AKR1B15: variants seen among roughly 807,000 people sequenced by gnomAD.
AKR1B15 encodes the protein aldo-keto reductase family 1 member B15, also known as estradiol 17-beta-dehydrogenase AKR1B15.
Under a neutral mutation model 38.5 loss-of-function variants are expected in AKR1B15, and 49 were observed. The ratio of observed to expected loss-of-function variants is 1.27; its 90% confidence interval spans 1.01 to 1.62. AKR1B15 has a LOEUF of 1.62. Among genes scored for constraint, AKR1B15 ranks in the 40% most tolerant of loss-of-function variants. The pLI, the probability that AKR1B15 is intolerant of heterozygous loss-of-function variation, is 0.00. For missense variants in AKR1B15, 411 were observed against 381.6 expected (o/e 1.08, Z -0.64); for synonymous variants, 137 against 135.5 (o/e 1.01, Z -0.08).
chr7:134,557,486 T>A (rs977051570), intron 2 of AKR1B15, among the ~76,000 whole-genome samples: 1 of 152,048 alleles, frequency 6.6e-6, no homozygotes, highest in African/African-American at 2.4e-5. Context: ...CTTAAGGACA[T>A]AACTGGTGCA....
intron 2 of AKR1B15, among the ~76,000 whole-genome samples, chr7:134,560,807 G>A (rs191529003): frequency 2.0e-5 from 3 of 152,252 alleles, no homozygotes; most frequent in African/African-American, 7.2e-5. Flanking sequence ...TTGAGCAAAG[G>A]CCATTCCAAC....
intron 3 of AKR1B15, among the ~76,000 whole-genome samples, chr7:134,566,735 C>G (rs900814642): frequency 6.6e-6 from 1 of 152,134 alleles, no homozygotes; most frequent in African/African-American, 2.4e-5. Context: ...TTTTCCCTCT[C>G]CTGTGCCGAG....
At chr7:134,557,598 C>G (rs1357799704) in intron 2 of AKR1B15, among the ~76,000 whole-genome samples, 1 of 151,446 alleles carries the variant, frequency 6.6e-6, no homozygotes, top group South Asian at 2.1e-4. Flanking sequence ...GTGCCCAAAG[C>G]CTTTGCGTTT....
In AKR1B15 at chr7:134,568,460, A is replaced by G. The variant is rs1370841501; in HGVS notation, c.318+135A>G. 4 of 1,314,638 alleles carry G rather than the reference A, an allele frequency of 3.0e-6. No individual in the cohort carries two copies. In the Admixed American group the frequency reaches 9.0e-5, roughly 30 times the overall value. The allele number at this position is 1,314,638 out of a possible 1,614,324, so 81.4% of individuals were successfully genotyped here. A position where few individuals can be genotyped will look rare whatever the true frequency, so the allele number is the denominator to read the frequency against. On this transcript the variant is annotated intron_variant, in intron 4 of 11. Transcript: ENST00000457545. ...ATCTCTGCCTTGATAACATCCGTGG[A>G]TACAATACTATCCATACTCCAAGCC... is the stretch of plus-strand genomic sequence containing the variant.
intron 5 of AKR1B15, 186 bp downstream of exon 5, chr7:134,569,715 G>C: frequency 3.5e-6 from 2 of 572,774 alleles, no homozygotes; most frequent in African/African-American, 1.9e-5. Flanking sequence ...TGCAATCTCT[G>C]AACATAAATT....
chr7:134,552,197 A>G (rs1794008926), intron 1 of AKR1B15, among the ~76,000 whole-genome samples: 1 of 152,102 alleles, frequency 6.6e-6, no homozygotes, highest in Non-Finnish European at 1.5e-5. Context: ...CTGCTTCATA[A>G]GCTACAGGCG....
chr7:134,561,619 G>A (rs2670234), intron 2 of AKR1B15, among the ~76,000 whole-genome samples: 80,186 of 151,952 alleles, frequency 0.53, 21,401 homozygotes, highest in African/African-American at 0.6. Context: ...ATGAGCTGTC[G>A]TAAGCCACAG....
Position 134,579,662 on chromosome 7 carries a change from G to T in AKR1B15, c.*113G>T. 2 of 1,001,890 alleles carry T rather than the reference G, an allele frequency of 2.0e-6. No individual in the cohort carries two copies. The highest frequency in any genetic ancestry group is 1.7e-5 in the African/African-American group (1 of 59,982). 62.1% of individuals were successfully genotyped at this position (1,001,890 alleles called of 1,614,324 possible). Reference sequence around the variant, plus strand: ...CTTATCTGAGATCACAGTGAACTTTGTCCTGTTGTAGACCAGAATGGAGGT... The same window carrying T: ...CTTATCTGAGATCACAGTGAACTTTTTCCTGTTGTAGACCAGAATGGAGGT... On this transcript the variant is annotated 3_prime_UTR_variant, in exon 12 of 12. Transcript: ENST00000457545.
intron 6 of AKR1B15, among the ~76,000 whole-genome samples, chr7:134,574,720 T>C (rs782540): frequency 3.7e-3 from 566 of 152,350 alleles, no homozygotes; most frequent in African/African-American, 0.013. Flanking sequence ...GTTTGGAAAA[T>C]GCCCAATAAA....
At chr7:134,568,779 G>T (rs1321065091) in intron 4 of AKR1B15, among the ~76,000 whole-genome samples, 1 of 151,964 alleles carries the variant, frequency 6.6e-6, no homozygotes, top group African/African-American at 2.4e-5. Flanking sequence ...AGTAAAAGTT[G>T]AGGTATACAA....
chr7:134,577,768 G>T lies in AKR1B15; in HGVS notation c.974G>T (p.Arg325Met), dbSNP rs1329722798. Reference protein sequence around the residue: ...ATILSFNRNWRAFDFKEFSHL... With the variant: ...ATILSFNRNWMAFDFKEFSHL... ...ATACTCAGCTTCAACAGAAACTGGA[G>T]GGCCTTTGACTTCAAGGAGTAAGTG... is the stretch of plus-strand genomic sequence containing the variant. Residue 325 changes from arginine (R) to methionine (M), a missense_variant, in exon 11 of 12, where the codon AGG becomes ATG. Around this residue, in one of 3 missense-constraint regions of AKR1B15, gnomAD observed 133 missense variants for 120.3 expected, o/e 1.11. Transcript: ENST00000457545. 6.2e-7 allele frequency: 1 copy of T among 1,613,810 alleles called. No individual in the cohort carries two copies. The highest frequency in any genetic ancestry group is 1.3e-5 in the African/African-American group (1 of 74,918).
chr7:134,573,290 C>A, intron 6 of AKR1B15: 1 of 873,756 alleles, frequency 1.1e-6, no homozygotes, highest in African/African-American at 1.8e-5. Flanking sequence ...CTCAGCCTCC[C>A]AAAGTGTTCA....
At chr7:134,562,770 G>A (rs1224605150) in intron 2 of AKR1B15, among the ~76,000 whole-genome samples, 1 of 151,978 alleles carries the variant, frequency 6.6e-6, no homozygotes, top group East Asian at 1.9e-4. Context: ...ATGTTGGCCA[G>A]GCTTCTTTCT....
In AKR1B15 at chr7:134,571,696, T is replaced by C. The variant is rs1339507124; in HGVS notation, c.513+15T>C. The C allele has an allele frequency of 3.1e-6, 5 of 1,602,040 alleles. No individual in the cohort carries two copies. The highest frequency in any genetic ancestry group is 4.3e-6 in the Non-Finnish European group (5 of 1,170,346). On this transcript the variant is annotated intron_variant, in intron 6 of 11. Transcript: ENST00000457545. ...ATGCCTGGGAGGTAGGTTCCAGCTT[T>C]GTCTAAGTGTGCTGGGAGAGAAATC...
chr7:134,564,701 A>T lies in AKR1B15; in HGVS notation c.82A>T (p.Thr28Ser). Residue 28 changes from threonine to serine, a missense_variant, in exon 3 of 12, where the codon ACT becomes TCT. Thr to Ser is a moderately conservative substitution (Grantham distance 58, BLOSUM62 1). Transcript: ENST00000457545. Reference sequence around the variant, plus strand: ...CCTGGACCAACCCGTTGGCCCTTTGACTGGCCTAAAGAGTTCCCTTCTGAA... The same window carrying T: ...CCTGGACCAACCCGTTGGCCCTTTGTCTGGCCTAAAGAGTTCCCTTCTGAA... ...GPLDQPVGPL[T>S]GLKSSLLKDT... 1.4e-6 allele frequency: 1 copy of T among 698,836 alleles called. No individual in the cohort carries two copies. The highest frequency in any genetic ancestry group is 2.6e-6 in the Non-Finnish European group (1 of 383,850). 43.3% of individuals were successfully genotyped at this position (698,836 alleles called of 1,614,324 possible).
intron 2 of AKR1B15, among the ~76,000 whole-genome samples, chr7:134,561,259 G>C (rs1165483445): frequency 6.6e-6 from 1 of 152,112 alleles, no homozygotes; most frequent in Non-Finnish European, 1.5e-5. Flanking sequence ...TGTCACCCAG[G>C]CTGGATTCCA....
intron 8 of AKR1B15, 151 bp from the exon 9 acceptor site, chr7:134,576,198 C>T: frequency 1.9e-6 from 2 of 1,063,092 alleles, no homozygotes; most frequent in South Asian, 3.4e-5. Flanking sequence ...GGCTTCAGAG[C>T]CCGGGGAAAG....
At position 134,563,042 on chromosome 7, in the gene AKR1B15, C is replaced by T. The variant is rs371999227; in HGVS notation, c.-22-1556C>T. Among the ~76,000 whole-genome samples, 17 of 151,882 alleles carry T rather than the reference C, an allele frequency of 1.1e-4. No homozygotes were observed. The East Asian group carries it at 2.9e-3, about 26-fold the overall frequency. On this transcript the variant is annotated intron_variant, in intron 2 of 11. Coordinates refer to ENST00000457545, the MANE Select transcript of AKR1B15 (RefSeq NM_001080538.3). ...TCTTCTTTCCTTCCTTTCTCTCTCC[C>T]TCCCTACTTTCCAACTTTGGGCTGT...
chr7:134,570,637 G>A (rs1794648841), intron 5 of AKR1B15, among the ~76,000 whole-genome samples: 1 of 152,194 alleles, frequency 6.6e-6, no homozygotes, highest in South Asian at 2.1e-4. Flanking sequence ...ATCAGGGGCG[G>A]ATTCACCCAA....
Sources: allele counts gnomAD v4.1 joint callset (sites outside exome capture counted in the v4.1 genomes callset), GRCh38; gene constraint gnomAD v4.1.1; regional missense constraint gnomAD v4.1.1; transcripts MANE v1.5; gene names NCBI Gene and HGNC (gene_info 2026-07-23, HGNC 2026-07-21).